Variants in CSRP1 observed in about 807,000 individuals in gnomAD.
CSRP1 encodes the protein cysteine and glycine-rich protein 1.
In CSRP1, 16 loss-of-function variants were observed where a neutral mutation model predicts 25.4. That is an observed-to-expected ratio of 0.63 (90% CI 0.43 to 0.96). CSRP1 has a LOEUF of 0.96. CSRP1 is among the 40% of genes least tolerant of loss of function. The pLI, the probability that CSRP1 is intolerant of heterozygous loss-of-function variation, is 0.00. For missense variants in CSRP1, 212 were observed against 243.6 expected (o/e 0.87, Z 0.86); for synonymous variants, 97 against 95.3 (o/e 1.02, Z -0.10).
Position 201,484,440 on chromosome 1 carries a change from G to A in CSRP1, c.*273C>T, listed in dbSNP as rs866930549. ...CTAAGAACAGAGCTCTGTGGGGCGAGGTGTGGGGAGAGGGGCCTGCTCTCA... is the reference window on the plus strand; with the variant it reads ...CTAAGAACAGAGCTCTGTGGGGCGAAGTGTGGGGAGAGGGGCCTGCTCTCA... On this transcript the variant is annotated 3_prime_UTR_variant, in exon 6 of 6. Coordinates refer to ENST00000340006, the MANE Select transcript of CSRP1 (RefSeq NM_004078.3). 18 of 542,804 alleles carry A rather than the reference G, an allele frequency of 3.3e-5. No individual in the cohort carries two copies. In the South Asian group the frequency reaches 3.7e-4, roughly 11 times the overall value. The allele number at this position is 542,804 out of a possible 1,614,324, so 33.6% of individuals were successfully genotyped here. A position where few individuals can be genotyped will look rare whatever the true frequency, so the allele number is the denominator to read the frequency against.
chr1:201,484,557 C>G lies in CSRP1; in HGVS notation c.*156G>C. ...TAGTGGGGTGGGACCTCAGGCAGAC[C>G]CCCAAACCAAAGGGAGCCAGATGCC... is the stretch of plus-strand genomic sequence containing the variant. On this transcript the variant is annotated 3_prime_UTR_variant, in exon 6 of 6. Transcript: ENST00000340006. 1.4e-6 allele frequency: 1 copy of G among 724,654 alleles called. No individual in the cohort carries two copies. The highest frequency in any genetic ancestry group is 1.9e-5 in the South Asian group (1 of 53,376). The allele number at this position is 724,654 out of a possible 1,614,324, so 44.9% of individuals were successfully genotyped here.
At chr1:201,505,061 T>C (rs1273506831) in intron 1 of CSRP1, among the ~76,000 whole-genome samples, 1 of 152,052 alleles carries the variant, frequency 6.6e-6, no homozygotes, top group African/African-American at 2.4e-5. Flanking sequence ...TGTCACGCCA[T>C]TGCACTCCAG....
At position 201,492,865 on chromosome 1, in the gene CSRP1, A is replaced by C. The variant is rs1664382396; in HGVS notation, c.113-2521T>G. ...TGGGGCCAAGAGGGTGAAAAGTGTC[A>C]GTAAGTCTCAGCCTGCAGGTGAGGA... is the stretch of plus-strand genomic sequence containing the variant. On this transcript the variant is annotated intron_variant, in intron 2 of 5. Coordinates refer to ENST00000340006, the MANE Select transcript of CSRP1 (RefSeq NM_004078.3). 1.3e-5 allele frequency: 2 copies of C among 152,302 alleles called. 1 individual carries two copies. Among genetic ancestry groups the C allele is most frequent in the South Asian group, 4.1e-4 (2 of 4,828 alleles). The allele number at this position is 152,302 out of a possible 1,614,324, so 9.4% of individuals were successfully genotyped here.
rs143999424 is a variant in CSRP1, at chr1:201,500,533, G to C, written c.-1-4229C>G. 7.4e-3 allele frequency among the ~76,000 whole-genome samples: 1,134 copies of C among 152,382 alleles called. 13 individuals are homozygous for C. Among genetic ancestry groups the C allele is most frequent in the African/African-American group, 0.026 (1,073 of 41,602 alleles). On this transcript the variant is annotated intron_variant, in intron 1 of 5. Coordinates refer to ENST00000340006, the MANE Select transcript of CSRP1 (RefSeq NM_004078.3). ...CTGGTCATTTAGTTAGGGCGAGGGTGGGGGGTCTCCCCTCAAGAGCCCAGT... is the reference window on the plus strand; with the variant it reads ...CTGGTCATTTAGTTAGGGCGAGGGTCGGGGGTCTCCCCTCAAGAGCCCAGT...
chr1:201,494,828 G>A (rs57676988), intron 2 of CSRP1, among the ~76,000 whole-genome samples: 5 of 118,748 alleles, frequency 4.2e-5, no homozygotes, highest in East Asian at 7.1e-4. Context: ...AGCAGTGTGC[G>A]TGTGTGTGTG....
chr1:201,505,217 C>T (rs181912486), intron 1 of CSRP1, among the ~76,000 whole-genome samples: 1 of 152,284 alleles, frequency 6.6e-6, no homozygotes, highest in East Asian at 1.9e-4. Flanking sequence ...ATGAGTATCC[C>T]GTAGGCCAAC....
In CSRP1 at chr1:201,483,634, T is replaced by C. The variant is rs571807216; in HGVS notation, c.*1079A>G. The stretch of plus-strand genomic sequence containing the variant: ...GCTCCAGATAGTGTTGTCCTTTCAG[T>C]TGCTGGGAGCGGTGAGGCCCAGCCC... On this transcript the variant is annotated 3_prime_UTR_variant, in exon 6 of 6. Transcript: ENST00000340006. The C allele has an allele frequency of 9.3e-6, 2 of 214,162 alleles. No homozygotes were observed. The highest frequency in any genetic ancestry group is 8.9e-5 in the East Asian group (1 of 11,196). The allele number at this position is 214,162 out of a possible 1,614,324, so 13.3% of individuals were successfully genotyped here. A position where few individuals can be genotyped will look rare whatever the true frequency, so the allele number is the denominator to read the frequency against.
chr1:201,497,775 G>A (rs554973402), intron 1 of CSRP1, among the ~76,000 whole-genome samples: 2 of 152,140 alleles, frequency 1.3e-5, no homozygotes, highest in African/African-American at 4.8e-5. Flanking sequence ...ACTTTGGGAG[G>A]CTGAGGTGGG....
intron 4 of CSRP1, chr1:201,486,985 A>C (rs1387549729): frequency 4.6e-6 from 6 of 1,301,488 alleles, no homozygotes; most frequent in Non-Finnish European, 6.1e-6. Context: ...AGTCAATGGC[A>C]AGGATCTTCA....
intron 1 of CSRP1, among the ~76,000 whole-genome samples, chr1:201,501,027 C>A (rs1571787911): frequency 6.6e-6 from 1 of 152,324 alleles, no homozygotes; most frequent in East Asian, 1.9e-4. Flanking sequence ...CCCTTCCTAG[C>A]TGAATGATCT....
intron 2 of CSRP1, among the ~76,000 whole-genome samples, chr1:201,493,838 C>T (rs775605211): frequency 1.3e-5 from 2 of 152,218 alleles, no homozygotes; most frequent in Non-Finnish European, 2.9e-5. Flanking sequence ...ACACTTATCA[C>T]CCACTTCACT....
At chr1:201,503,507 G>A (rs1364661626) in intron 1 of CSRP1, among the ~76,000 whole-genome samples, 26 of 152,178 alleles carry the variant, frequency 1.7e-4, no homozygotes, top group Non-Finnish European at 1.5e-5. Context: ...CCTAGCTGGG[G>A]CTGAGCTCCA....
intron 1 of CSRP1, among the ~76,000 whole-genome samples, chr1:201,500,774 T>C (rs1046287846): frequency 6.6e-6 from 1 of 152,240 alleles, no homozygotes; most frequent in Non-Finnish European, 1.5e-5. Context: ...CTTTCTGCCC[T>C]TCTCTCCAAC....
At position 201,490,519 on chromosome 1, in the gene CSRP1, G is replaced by A; in HGVS notation, c.113-175C>T. On this transcript the variant is annotated intron_variant, in intron 2 of 5. Coordinates refer to ENST00000340006, the MANE Select transcript of CSRP1 (RefSeq NM_004078.3). Reference sequence around the variant, plus strand: ...GGGATGGCCAATGGGTGGGAGGACAGAGGGATGGGATCTGCATATCCGACT... The same window carrying A: ...GGGATGGCCAATGGGTGGGAGGACAAAGGGATGGGATCTGCATATCCGACT... 3 of 602,310 alleles carry A rather than the reference G, an allele frequency of 5.0e-6. 1 individual carries two copies. In the South Asian group the frequency reaches 6.3e-5, roughly 13 times the overall value. 37.3% of individuals were successfully genotyped at this position (602,310 alleles called of 1,614,324 possible).
At chr1:201,500,186 C>T (rs1664623240) in intron 1 of CSRP1, among the ~76,000 whole-genome samples, 1 of 152,226 alleles carries the variant, frequency 6.6e-6, no homozygotes, top group South Asian at 2.1e-4. Flanking sequence ...CGGCCTTCTC[C>T]TTTTCCAACC....
Position 201,483,879 on chromosome 1 carries a change from G to C in CSRP1, c.*834C>G. On this transcript the variant is annotated 3_prime_UTR_variant, in exon 6 of 6. Coordinates refer to ENST00000340006, the MANE Select transcript of CSRP1 (RefSeq NM_004078.3). ...GGATCAAGCAGGTGTGGCAAGAACA[G>C]AGCCCTGGCCTGGGCTCTGCTGGCC... 1 of 617,062 alleles carries C rather than the reference G, an allele frequency of 1.6e-6. No individual in the cohort carries two copies. Among genetic ancestry groups the C allele is most frequent in the Middle Eastern group, 2.5e-4 (1 of 3,966 alleles). 38.2% of individuals were successfully genotyped at this position (617,062 alleles called of 1,614,324 possible).
Position 201,496,264 on chromosome 1 carries a change from GAC to G in CSRP1, c.38_39del (p.Cys13SerfsTer19). On this transcript the variant is annotated frameshift_variant, in exon 2 of 6. Coordinates refer to ENST00000340006, the MANE Select transcript of CSRP1 (RefSeq NM_004078.3). LOFTEE classifies it high-confidence loss of function. ...NWGGGKKCGV[C>X]QKTVYFAEEV... ...TCTTCGGCAAAGTAAACCGTCTTCT[GAC>G]ACACCCCACATTTCTTGCCTCCTCC... The G allele has an allele frequency of 6.2e-7, 1 of 1,614,136 alleles. No homozygotes were observed. The highest frequency in any genetic ancestry group is 8.5e-7 in the Non-Finnish European group (1 of 1,180,026).
chr1:201,494,844 G>GCA (rs1422593710), intron 2 of CSRP1, among the ~76,000 whole-genome samples: 2 of 135,450 alleles, frequency 1.5e-5, no homozygotes, highest in African/African-American at 5.2e-5. Flanking sequence ...GTGTGTGCGT[G>GCA]TGCACGTGTG....
In CSRP1 at chr1:201,484,650, GC is replaced by G. The variant is rs1664073044; in HGVS notation, c.*62del. ...AATAATCCTGGAGGTCTCCAAAGCT[GC>G]TGGGAATGGAATGGCGATGAAAAGC... is the stretch of plus-strand genomic sequence containing the variant. On this transcript the variant is annotated 3_prime_UTR_variant, in exon 6 of 6. Transcript: ENST00000340006. The G allele has an allele frequency of 3.4e-5, 49 of 1,443,136 alleles. No individual in the cohort carries two copies. In the South Asian group the frequency reaches 5.6e-4, roughly 17 times the overall value. The allele number at this position is 1,443,136 out of a possible 1,614,324, so 89.4% of individuals were successfully genotyped here. A position where few individuals can be genotyped will look rare whatever the true frequency, so the allele number is the denominator to read the frequency against.
Sources: allele counts gnomAD v4.1 joint callset (sites outside exome capture counted in the v4.1 genomes callset), GRCh38; gene constraint gnomAD v4.1.1; transcripts MANE v1.5; gene names NCBI Gene and HGNC (gene_info 2026-07-23, HGNC 2026-07-21).